The following BSN variants were observed in gnomAD, a reference collection of about 807,000 sequenced individuals.
BSN encodes bassoon presynaptic cytomatrix protein.
BSN carries 57 observed loss-of-function variants against 264.8 expected under a neutral mutation model. That is an observed-to-expected ratio of 0.22 (90% CI 0.17 to 0.27). The LOEUF is 0.27. Among genes scored for constraint, BSN ranks in the 10% least tolerant of loss-of-function variants. BSN has a pLI of 1.00. For missense variants in BSN, 4,615 were observed against 5,232.5 expected (o/e 0.88, Z 3.64); for synonymous variants, 2,059 against 2,137.3 (o/e 0.96, Z 1.01).
At chr3:49,672,065 G>A (rs1404669955), downstream of BSN, among the ~76,000 whole-genome samples, 5 of 139,404 alleles carry the variant, frequency 3.6e-5, no homozygotes, top group South Asian at 1.1e-3. Flanking sequence ...AGATAAACAG[G>A]AATCCCAGCT....
chr3:49,559,480 C>T (rs777624788), intron 1 of BSN, among the ~76,000 whole-genome samples: 16 of 152,150 alleles, frequency 1.1e-4, no homozygotes, highest in Non-Finnish European at 1.9e-4. Context: ...ATGAACATAA[C>T]CACAGCACCA....
At chr3:49,672,801 A>G (rs2052816977), downstream of BSN, among the ~76,000 whole-genome samples, 1 of 94,970 alleles carries the variant, frequency 1.1e-5, no homozygotes. Flanking sequence ...TTTTTTTTTA[A>G]GATGGACTCT....
chr3:49,662,790 C>T, intron 6 of BSN, 86 bp from the exon 7 acceptor site: 1 of 1,488,384 alleles, frequency 6.7e-7, no homozygotes, highest in Non-Finnish European at 8.9e-7. Context: ...GGCACCCACT[C>T]TCTTGGTTTC....
intron 3 of BSN, among the ~76,000 whole-genome samples, chr3:49,648,884 C>T (rs1333344566): frequency 6.6e-6 from 1 of 152,250 alleles, no homozygotes; most frequent in Non-Finnish European, 1.5e-5. Flanking sequence ...TGCCCCATTC[C>T]TCTGCCTGGG....
At chr3:49,636,563 C>T (rs2052421693) in intron 2 of BSN, among the ~76,000 whole-genome samples, 1 of 152,190 alleles carries the variant, frequency 6.6e-6, no homozygotes, top group African/African-American at 2.4e-5. Flanking sequence ...GACGGATCCT[C>T]TCCCTTTCGT....
At position 49,656,871 on chromosome 3, in the gene BSN, G is replaced by A; in HGVS notation, c.7315G>A (p.Ala2439Thr). 6.2e-7 allele frequency: 1 copy of A among 1,602,018 alleles called. No individual in the cohort carries two copies. Among genetic ancestry groups the A allele is most frequent in the Non-Finnish European group, 8.5e-7 (1 of 1,174,710 alleles). ...QQQEERQAQF[A>T]LQREQLAQQR... ...GCAAGAGGAACGCCAGGCTCAATTTGCACTGCAGCGGGAACAGCTAGCGCA... is the reference window on the plus strand; with the variant it reads ...GCAAGAGGAACGCCAGGCTCAATTTACACTGCAGCGGGAACAGCTAGCGCA... Residue 2439 changes from alanine (A) to threonine (T), a missense_variant, in exon 5 of 12, where the codon GCA becomes ACA. By Grantham distance (58) the Ala-to-Thr change is moderately conservative. Coordinates refer to ENST00000296452, the MANE Select transcript of BSN (RefSeq NM_003458.4).
intron 2 of BSN, among the ~76,000 whole-genome samples, chr3:49,632,880 A>G (rs2052392171): frequency 1.3e-5 from 2 of 152,054 alleles, no homozygotes; most frequent in East Asian, 3.9e-4. Flanking sequence ...GTGGGAGGGT[A>G]TCCTGAGCCT....
chr3:49,658,184 AC>A lies in BSN; in HGVS notation c.8629del (p.Leu2877TrpfsTer17), dbSNP rs1482384749. The A allele has an allele frequency of 2.5e-6, 4 of 1,568,902 alleles. No individual in the cohort carries two copies. The African/African-American group carries it at 5.4e-5, about 21-fold the overall frequency. On this transcript the variant is annotated frameshift_variant, in exon 5 of 12. Coordinates refer to ENST00000296452, the MANE Select transcript of BSN (RefSeq NM_003458.4). LOFTEE classifies it high-confidence loss of function. ...RFSLYQHQGGLGSQVSALPPN... is the reference protein window; with the variant it reads ...RFSLYQHQGGXGSQVSALPPN... ...TCTCCCTCTACCAGCACCAGGGGGG[AC>A]TGGGTAGCCAGGTATGGGAACAGGG...
Position 49,654,282 on chromosome 3 carries a change from G to A in BSN, c.4726G>A (p.Ala1576Thr). 1.2e-6 allele frequency: 2 copies of A among 1,613,314 alleles called. No homozygotes were observed. The highest frequency in any genetic ancestry group is 1.7e-6 in the Non-Finnish European group (2 of 1,179,794). Residue 1576 changes from alanine (A) to threonine (T), a missense_variant, in exon 5 of 12, where the codon GCC becomes ACC. Physicochemically the swap from Ala to Thr is moderately conservative, Grantham distance 58. Coordinates refer to ENST00000296452, the MANE Select transcript of BSN (RefSeq NM_003458.4). This position sits in a 1 kb window ranked among gnomAD's most constrained non-coding sequence, Gnocchi z 4.1. ...SSQTRMVHAS[A>T]STSPLCSPTE... ...CCAGACCAGGATGGTACATGCCAGT[G>A]CCTCCACCTCCCCGCTCTGCTCACC...
intron 1 of BSN, among the ~76,000 whole-genome samples, chr3:49,610,779 C>T (rs747428390): frequency 2.6e-5 from 4 of 152,116 alleles, no homozygotes; most frequent in Admixed American, 6.5e-5. Context: ...AAGTCTCAAA[C>T]AGGAGGCTCT....
At position 49,652,634 on chromosome 3, in the gene BSN, G is replaced by A. The variant is rs538562852; in HGVS notation, c.3078G>A (p.Arg1026=). ...LEEAKQQRKA[R]HRSHGPLLPT... ...AAGCAAAGCAGCAGCGCAAGGCCCG[G>A]CACCGCTCCCACGGGCCCCTGCTAC... Residue 1026 remains arginine, a synonymous_variant, in exon 5 of 12, where the codon CGG becomes CGA. Coordinates refer to ENST00000296452, the MANE Select transcript of BSN (RefSeq NM_003458.4). 2 of 1,611,236 alleles carry A rather than the reference G, an allele frequency of 1.2e-6. No homozygotes were observed. Among genetic ancestry groups the A allele is most frequent in the South Asian group, 2.2e-5 (2 of 90,848 alleles).
chr3:49,671,585 G>C (rs1015602161), downstream of BSN: 1 of 152,564 alleles, frequency 6.6e-6, no homozygotes, highest in African/African-American at 2.4e-5. This position sits in a 1 kb window ranked among gnomAD's most constrained non-coding sequence, Gnocchi z 4.1. Flanking sequence ...AAGTGGGAAG[G>C]CTTAGCTGAA....
chr3:49,647,114 C>T (rs1435401783), intron 3 of BSN, among the ~76,000 whole-genome samples: 1 of 152,208 alleles, frequency 6.6e-6, no homozygotes, highest in Non-Finnish European at 1.5e-5. Flanking sequence ...TCACCATAAC[C>T]ATACTGGCAT....
chr3:49,629,722 G>C (rs2052370710), intron 2 of BSN, among the ~76,000 whole-genome samples: 1 of 152,228 alleles, frequency 6.6e-6, no homozygotes, highest in African/African-American at 2.4e-5. Flanking sequence ...AGGGGCCCAC[G>C]CTCTGCCCCT....
At position 49,565,144 on chromosome 3, in the gene BSN, C is replaced by CTT. The variant is rs971015437; in HGVS notation, c.224+10336_224+10337dup. ...TTTTTTTTTTGGACTAGAGGATTTT[C>CTT]TTTTTTTTTTTTTTTTTTTGAGACG... is the stretch of plus-strand genomic sequence containing the variant. On this transcript the variant is annotated intron_variant, in intron 1 of 11. Transcript: ENST00000296452. 3.8e-3 allele frequency among the ~76,000 whole-genome samples: 402 copies of CTT among 104,600 alleles called. 5 individuals carry two copies. The highest frequency in any genetic ancestry group is 5.0e-3 in the Non-Finnish European group (261 of 51,708). The allele number at this position is 104,600 out of a possible 152,430, so 68.6% of individuals were successfully genotyped here. A position where few individuals can be genotyped will look rare whatever the true frequency, so the allele number is the denominator to read the frequency against.
At chr3:49,644,172 C>T (rs1272626418) in intron 3 of BSN, among the ~76,000 whole-genome samples, 1 of 152,196 alleles carries the variant, frequency 6.6e-6, no homozygotes, top group African/African-American at 2.4e-5. Context: ...AGCTGTGTCA[C>T]GTTAGGAGAT....
chr3:49,653,082 A>G lies in BSN; in HGVS notation c.3526A>G (p.Ser1176Gly). Residue 1176 changes from serine (S) to glycine (G), a missense_variant, in exon 5 of 12, where the codon AGT becomes GGT. Physicochemically the swap from Ser to Gly is moderately conservative, Grantham distance 56. Around this residue, in one of 3 missense-constraint regions of BSN, gnomAD observed 3,415 missense variants for 3,866.4 expected, o/e 0.88. Transcript: ENST00000296452. This position sits in a 1 kb window ranked among gnomAD's most constrained non-coding sequence, Gnocchi z 6.3. ...ETPSGSSTTPSSGRPLKSAEE... is the reference protein window; with the variant it reads ...ETPSGSSTTPGSGRPLKSAEE... ...ACCCTCCGGCAGCTCCACCACTCCC[A>G]GTTCCGGACGGCCGCTCAAGAGCGC... 1.9e-6 allele frequency: 3 copies of G among 1,613,480 alleles called. No homozygotes were observed. The highest frequency in any genetic ancestry group is 1.7e-6 in the Non-Finnish European group (2 of 1,179,996).
At chr3:49,612,139 AT>A (rs10623266) in intron 1 of BSN, among the ~76,000 whole-genome samples, 35 of 148,426 alleles carry the variant, frequency 2.4e-4, no homozygotes, top group African/African-American at 5.4e-4. Flanking sequence ...ACAAAGAATG[AT>A]TTTTTTTTTT....
intron 2 of BSN, among the ~76,000 whole-genome samples, chr3:49,627,013 T>G (rs542228231): frequency 4.3e-4 from 66 of 152,364 alleles, no homozygotes; most frequent in Non-Finnish European, 4.3e-4. Flanking sequence ...TCAGTCCATC[T>G]GCCTCATTGT....
Sources: allele counts gnomAD v4.1 joint callset (sites outside exome capture counted in the v4.1 genomes callset), GRCh38; gene constraint gnomAD v4.1.1; regional missense constraint gnomAD v4.1.1; non-coding constraint Gnocchi (gnomAD v3.1); transcripts MANE v1.5; gene names NCBI Gene and HGNC (gene_info 2026-07-23, HGNC 2026-07-21).